Variants in ERGIC1 observed in about 807,000 individuals in gnomAD.
ERGIC1 encodes endoplasmic reticulum-Golgi intermediate compartment protein 1.
ERGIC1 carries 19 observed loss-of-function variants against 38.3 expected under a neutral mutation model. The observed-to-expected ratio is 0.50, with a 90% CI of 0.35 to 0.73. ERGIC1 has a LOEUF of 0.73. ERGIC1 is among the 30% of genes least tolerant of loss of function. The pLI is 0.01. For synonymous variants in ERGIC1, 124 were observed against 157.6 expected (o/e 0.79, Z 1.60); for missense variants, 294 against 389.2 (o/e 0.76, Z 2.06).
chr5:172,893,824 C>T (rs760960997), intron 2 of ERGIC1, among the ~76,000 whole-genome samples: 71 of 140,820 alleles, frequency 5.0e-4, no homozygotes, highest in Non-Finnish European at 9.4e-4. Flanking sequence ...GAGCAAAGCA[C>T]GGTGGAAAAG....
intron 1 of ERGIC1, among the ~76,000 whole-genome samples, chr5:172,885,421 A>G (rs1237202877): frequency 1.3e-5 from 2 of 152,076 alleles, no homozygotes; most frequent in African/African-American, 4.8e-5. Flanking sequence ...GGCAAGAGCC[A>G]TCGTGTACAG....
rs758355483 is a variant in ERGIC1, at chr5:172,865,658, TC to T, written c.21-23038del. 3.9e-5 allele frequency among the ~76,000 whole-genome samples: 6 copies of T among 152,222 alleles called. No individual in the cohort carries two copies. The East Asian group carries it at 1.2e-3, about 29-fold the overall frequency. On this transcript the variant is annotated intron_variant, in intron 1 of 9. Coordinates refer to ENST00000393784, the MANE Select transcript of ERGIC1 (RefSeq NM_001031711.3). ...CCACGGGGTGACCTATCTCCTGACT[TC>T]CCTCCCCTTGCTTTAGTCTTGCCTG...
At chr5:172,874,391 T>C (rs1408719437) in intron 1 of ERGIC1, among the ~76,000 whole-genome samples, 1 of 152,136 alleles carries the variant, frequency 6.6e-6, no homozygotes, top group East Asian at 1.9e-4. Flanking sequence ...GGAATCTAAG[T>C]GTAACCAGCT....
chr5:172,930,136 C>A (rs531757380), intron 7 of ERGIC1, among the ~76,000 whole-genome samples: 1 of 146,102 alleles, frequency 6.8e-6, no homozygotes, highest in South Asian at 2.2e-4. Flanking sequence ...TGCAGTGAGC[C>A]GAGATCGTGC....
intron 1 of ERGIC1, chr5:172,867,253 G>A (rs1404662435): frequency 2.0e-5 from 9 of 448,552 alleles, no homozygotes; most frequent in Non-Finnish European, 4.1e-5. Context: ...ACACTGCATG[G>A]TCAGGGTGTG....
At chr5:172,904,503 C>G (rs1762969252) in intron 3 of ERGIC1, among the ~76,000 whole-genome samples, 1 of 152,278 alleles carries the variant, frequency 6.6e-6, no homozygotes, top group African/African-American at 2.4e-5. Flanking sequence ...CCACACCGGT[C>G]TGCCACTGCC....
chr5:172,867,370 C>A, intron 1 of ERGIC1: 1 of 417,376 alleles, frequency 2.4e-6, no homozygotes, highest in Non-Finnish European at 4.9e-6. Context: ...CCTTGCTTAG[C>A]CCCAGCAATT....
intron 1 of ERGIC1, among the ~76,000 whole-genome samples, chr5:172,843,430 T>C (rs1186514356): frequency 2.6e-5 from 4 of 152,188 alleles, no homozygotes; most frequent in African/African-American, 9.7e-5. Flanking sequence ...TTGCTGATTT[T>C]TCTTGCTGAT....
chr5:172,851,671 A>T (rs930462679), intron 1 of ERGIC1, among the ~76,000 whole-genome samples: 1 of 152,030 alleles, frequency 6.6e-6, no homozygotes, highest in Non-Finnish European at 1.5e-5. Context: ...GTGGGGGGGT[A>T]TGGTCACCTC....
At chr5:172,897,976 A>G in intron 3 of ERGIC1, 1 of 412,912 alleles carries the variant, frequency 2.4e-6, no homozygotes, top group Non-Finnish European at 4.4e-6. Context: ...TGCCATTAGG[A>G]TTATGCAGTC....
chr5:172,906,697 G>T (rs1029878824), intron 3 of ERGIC1, among the ~76,000 whole-genome samples: 1 of 152,170 alleles, frequency 6.6e-6, no homozygotes, highest in Non-Finnish European at 1.5e-5. Context: ...CTTAGATAGG[G>T]CAGTTCTCTT....
rs2113505107 is a variant in ERGIC1 at position 172,952,656 on chromosome 5, A to G, written c.*1840A>G. 6.6e-6 allele frequency: 1 copy of G among 152,222 alleles called. No homozygotes were observed. Among genetic ancestry groups the G allele is most frequent in the East Asian group, 1.9e-4 (1 of 5,178 alleles). 9.4% of individuals were successfully genotyped at this position (152,222 alleles called of 1,614,324 possible). A position where few individuals can be genotyped will look rare whatever the true frequency, so the allele number is the denominator to read the frequency against. ...GTTCTTTCCCCACTCGTTGGGTTCAACTAGATTAAAAGGCTGATTTTCAGA... is the reference window on the plus strand; with the variant it reads ...GTTCTTTCCCCACTCGTTGGGTTCAGCTAGATTAAAAGGCTGATTTTCAGA... On this transcript the variant is annotated 3_prime_UTR_variant, in exon 10 of 10. Transcript: ENST00000393784.
intron 1 of ERGIC1, among the ~76,000 whole-genome samples, chr5:172,855,207 C>G (rs1761515090): frequency 6.6e-6 from 1 of 152,172 alleles, no homozygotes; most frequent in African/African-American, 2.4e-5. Context: ...CGGGTGGGAA[C>G]AATGACGCTG....
chr5:172,887,031 C>T (rs963816710), intron 1 of ERGIC1, among the ~76,000 whole-genome samples: 2 of 152,194 alleles, frequency 1.3e-5, no homozygotes, highest in African/African-American at 4.8e-5. Flanking sequence ...AAAGTGGTAC[C>T]TTTGAACTTG....
chr5:172,944,965 C>G (rs1228643799), intron 9 of ERGIC1, among the ~76,000 whole-genome samples: 2 of 152,250 alleles, frequency 1.3e-5, no homozygotes, highest in African/African-American at 4.8e-5. Flanking sequence ...AACCCTGTGC[C>G]TTTCCTGAGT....
chr5:172,869,412 C>T (rs551936647), intron 1 of ERGIC1, among the ~76,000 whole-genome samples: 1 of 152,326 alleles, frequency 6.6e-6, no homozygotes, highest in Non-Finnish European at 1.5e-5. Context: ...CTAGCCATGA[C>T]TCACACCGAG....
intron 1 of ERGIC1, among the ~76,000 whole-genome samples, chr5:172,872,774 C>T (rs1487784419): frequency 6.6e-6 from 1 of 151,914 alleles, no homozygotes; most frequent in Non-Finnish European, 1.5e-5. Flanking sequence ...AGGATCACAC[C>T]ACTGCATTCC....
At position 172,943,401 on chromosome 5, in the gene ERGIC1, C is replaced by A. The variant is rs549626393; in HGVS notation, c.766-7308C>A. On this transcript the variant is annotated intron_variant, in intron 9 of 9. Coordinates refer to ENST00000393784, the MANE Select transcript of ERGIC1 (RefSeq NM_001031711.3). The stretch of plus-strand genomic sequence containing the variant: ...ACTTCCCTTCCCCGACTACACCCCC[C>A]ACCTCTGCCTCCTCCACGACTTTGG... Among the ~76,000 whole-genome samples the A allele has an allele frequency of 6.6e-5, 10 of 152,158 alleles. No homozygotes were observed. The South Asian group carries it at 1.0e-3, about 16-fold the overall frequency.
chr5:172,900,722 CAAAA>C (rs1223646810), intron 3 of ERGIC1, among the ~76,000 whole-genome samples: 1 of 146,850 alleles, frequency 6.8e-6, no homozygotes, highest in African/African-American at 2.5e-5. Context: ...AAAAAAAAAA[CAAAA>C]AAAAACATGA....
Sources: allele counts gnomAD v4.1 joint callset (sites outside exome capture counted in the v4.1 genomes callset), GRCh38; gene constraint gnomAD v4.1.1; transcripts MANE v1.5; gene names NCBI Gene and HGNC (gene_info 2026-07-23, HGNC 2026-07-21).